Variants in RGR observed in about 807,000 individuals in gnomAD.
The protein encoded by RGR is retinal G protein coupled receptor.
A neutral mutation model predicts 28.6 loss-of-function variants in RGR; 30 were observed. The observed-to-expected ratio is 1.05, with a 90% CI of 0.78 to 1.42. The LOEUF (loss-of-function observed/expected upper bound fraction) is 1.42, where lower values mean the gene tolerates loss of function less well. Ranked by LOEUF, RGR falls within the 40% of genes most tolerant of loss-of-function variation. The pLI is 0.00. For synonymous variants in RGR, 180 were observed against 156.4 expected, an observed-to-expected ratio of 1.15 and a Z score of -1.13; for missense variants, 404 against 375.6, an observed-to-expected ratio of 1.08 and a Z score of -0.62.
chr10:84,254,197 C>A, intron 4 of RGR, 129 bp from the exon 5 acceptor site: 1 of 833,168 alleles, frequency 1.2e-6, no homozygotes, highest in Non-Finnish European at 2.1e-6. Flanking sequence ...CGGGAGCAAC[C>A]ACACTGCGAG....
chr10:84,245,596 C>A (rs1273196920), intron 1 of RGR, among the ~76,000 whole-genome samples: 1 of 152,184 alleles, frequency 6.6e-6, no homozygotes, highest in Non-Finnish European at 1.5e-5. Context: ...GTGGCTGGAA[C>A]CAAGTCCCTT....
chr10:84,254,395 T>G lies in RGR; in HGVS notation c.582T>G (p.Thr194=), dbSNP rs753888141. 106 of 1,614,042 alleles carry G rather than the reference T, an allele frequency of 6.6e-5. No homozygotes were observed. The highest frequency in any genetic ancestry group is 8.5e-5 in the Non-Finnish European group (100 of 1,180,034). The part of the protein sequence containing the change: ...NFAMPLFITI[T]SYSLMEQKLG... ...CCATGCCCCTCTTCATCACGATCAC[T>G]TCCTACAGTCTCATGGAGCAGAAAC... The change falls in exon 5 of 7, where the codon ACT becomes ACG. Residue 194 remains threonine, a synonymous_variant. Coordinates refer to ENST00000652092, the MANE Select transcript of RGR (RefSeq NM_001012720.2).
chr10:84,247,164 G>A (rs903161307), intron 1 of RGR, among the ~76,000 whole-genome samples: 3 of 152,130 alleles, frequency 2.0e-5, no homozygotes, highest in Admixed American at 1.3e-4. Flanking sequence ...GCAGCTCCCA[G>A]CTCTAACATC....
intron 5 of RGR, among the ~76,000 whole-genome samples, chr10:84,255,728 T>C (rs1170663620): frequency 6.7e-6 from 1 of 148,826 alleles, no homozygotes; most frequent in African/African-American, 2.4e-5. Flanking sequence ...CTTTTTTTTT[T>C]TTTTTTTTTT....
intron 3 of RGR, among the ~76,000 whole-genome samples, chr10:84,251,447 G>A (rs7903298): frequency 0.43 from 66,102 of 151,974 alleles, 16,857 homozygotes; most frequent in African/African-American, 0.72. Flanking sequence ...CGAGGTGTCA[G>A]CATGGTCAGG....
chr10:84,251,640 G>A (rs931099570), intron 3 of RGR, among the ~76,000 whole-genome samples: 2 of 152,162 alleles, frequency 1.3e-5, no homozygotes, highest in Non-Finnish European at 1.5e-5. Flanking sequence ...CGCCTTCTGG[G>A]TTCAAGCAAT....
intron 5 of RGR, among the ~76,000 whole-genome samples, chr10:84,256,269 G>A (rs548396818): frequency 2.0e-4 from 30 of 151,896 alleles, no homozygotes; most frequent in African/African-American, 7.0e-4. Context: ...GGCCAGGCTG[G>A]TCTTGAACTC....
intron 5 of RGR, among the ~76,000 whole-genome samples, chr10:84,254,919 C>T (rs4933994): frequency 0.037 from 5,642 of 152,308 alleles, 166 homozygotes; most frequent in East Asian, 0.12. Flanking sequence ...GGAGCTGCCC[C>T]TGACAGGTTT....
intron 2 of RGR, chr10:84,248,662 G>A (rs1242075906): frequency 1.7e-6 from 1 of 587,122 alleles, no homozygotes; most frequent in African/African-American, 1.9e-5. Context: ...CTGTGACAGA[G>A]GGATCTGATC....
chr10:84,250,250 C>A (rs980480473), intron 3 of RGR: 1 of 680,786 alleles, frequency 1.5e-6, no homozygotes, highest in Non-Finnish European at 2.8e-6. Flanking sequence ...AGGTCTATAG[C>A]CAGCACAGCC....
intron 3 of RGR, among the ~76,000 whole-genome samples, chr10:84,249,296 G>A (rs1842786598): frequency 6.6e-6 from 1 of 152,168 alleles, no homozygotes; most frequent in Non-Finnish European, 1.5e-5. Flanking sequence ...CTGAACCTTA[G>A]TCTCCTCCTC....
chr10:84,257,247 A>G (rs894883760), intron 5 of RGR, among the ~76,000 whole-genome samples: 1 of 152,046 alleles, frequency 6.6e-6, no homozygotes, highest in Non-Finnish European at 1.5e-5. Context: ...CCCAGGCGGC[A>G]CCCCAGCATC....
intron 5 of RGR, among the ~76,000 whole-genome samples, chr10:84,255,685 T>C (rs1168447656): frequency 6.6e-6 from 1 of 151,874 alleles, no homozygotes; most frequent in East Asian, 1.9e-4. Context: ...ATTATTTCTT[T>C]GCAACCACTC....
chr10:84,250,484 C>T (rs928537917), intron 3 of RGR: 32 of 715,248 alleles, frequency 4.5e-5, no homozygotes, highest in Non-Finnish European at 7.8e-5. Flanking sequence ...TACATCCCAG[C>T]CCCTGCCCCT....
intron 5 of RGR, among the ~76,000 whole-genome samples, chr10:84,257,080 T>C (rs1403129233): frequency 2.6e-5 from 4 of 152,238 alleles, no homozygotes; most frequent in African/African-American, 9.6e-5. Flanking sequence ...ATATGCCCTC[T>C]TCCAGCTTAA....
At position 84,258,736 on chromosome 10, in the gene RGR, C is replaced by T; in HGVS notation, c.*97C>T. On this transcript the variant is annotated 3_prime_UTR_variant, in exon 7 of 7. Coordinates refer to ENST00000652092, the MANE Select transcript of RGR (RefSeq NM_001012720.2). ...AAGCCCAGACACTCACCCACCTTCC[C>T]CAGTGGCCCCGTGGATCCTGGTCCT... The T allele has an allele frequency of 1.3e-6, 2 of 1,559,476 alleles. No homozygotes were observed. The highest frequency in any genetic ancestry group is 8.7e-7 in the Non-Finnish European group (1 of 1,143,738).
At position 84,245,366 on chromosome 10, in the gene RGR, G is replaced by A. The variant is rs575894298; in HGVS notation, c.79+197G>A. ...ACCTGTGAGGTGCAGCACACTGCCC[G>A]CTGGGAGCAGAGAGGAAGCCAGGCA... is the stretch of plus-strand genomic sequence containing the variant. On this transcript the variant is annotated intron_variant, in intron 1 of 6. Coordinates refer to ENST00000652092, the MANE Select transcript of RGR (RefSeq NM_001012720.2). Among the ~76,000 whole-genome samples the A allele has an allele frequency of 2.0e-3, 309 of 152,288 alleles. 2 individuals are homozygous for A. The highest frequency in any genetic ancestry group is 3.8e-3 in the Non-Finnish European group (257 of 68,008).
In RGR at chr10:84,258,786, A is replaced by T; in HGVS notation, c.*147A>T. ...TAGGCTGGACACAGGATTCAGAAAGACACCAGGCTGCACAGAAAGAGCCAG... is the reference window on the plus strand; with the variant it reads ...TAGGCTGGACACAGGATTCAGAAAGTCACCAGGCTGCACAGAAAGAGCCAG... On this transcript the variant is annotated 3_prime_UTR_variant, in exon 7 of 7. Transcript: ENST00000652092. 1 of 1,206,720 alleles carries T rather than the reference A, an allele frequency of 8.3e-7. No homozygotes were observed. The highest frequency in any genetic ancestry group is 1.2e-6 in the Non-Finnish European group (1 of 848,788). 74.8% of individuals were successfully genotyped at this position (1,206,720 alleles called of 1,614,324 possible).
At chr10:84,257,835 C>T (rs553045663) in intron 5 of RGR, 58 bp from the exon 6 acceptor site, 2 of 1,497,034 alleles carry the variant, frequency 1.3e-6, no homozygotes, top group African/African-American at 1.4e-5. Context: ...TTCTTGGCCA[C>T]ATAGGGCTGT....
Sources: allele counts gnomAD v4.1 joint callset (sites outside exome capture counted in the v4.1 genomes callset), GRCh38; gene constraint gnomAD v4.1.1; transcripts MANE v1.5; gene names NCBI Gene and HGNC (gene_info 2026-07-23, HGNC 2026-07-21).